DPP6: variants seen among roughly 807,000 people sequenced by gnomAD.
DPP6 encodes dipeptidyl peptidase like 6.
In DPP6, 69 loss-of-function variants were observed where a neutral mutation model predicts 122.6. That is an observed-to-expected ratio of 0.56 (90% CI 0.46 to 0.69). DPP6 has a LOEUF of 0.69. DPP6 is among the 30% of genes least tolerant of loss of function. The pLI, the probability that DPP6 is intolerant of heterozygous loss-of-function variation, is 0.00. For missense variants in DPP6, 928 were observed against 1,116.9 expected (o/e 0.83, Z 2.41); for synonymous variants, 418 against 433.1 (o/e 0.97, Z 0.43).
At position 154,208,891 on chromosome 7, in the gene DPP6, A is replaced by G. The variant is rs564864294; in HGVS notation, c.243+155828A>G. Among the ~76,000 whole-genome samples, 228 of 152,318 alleles carry G rather than the reference A, an allele frequency of 1.5e-3. 1 individual carries two copies. Among genetic ancestry groups the G allele is most frequent in the Middle Eastern group, 3.4e-3 (1 of 294 alleles). ...AACATATTAAATATGTAGGCTTTAA[A>G]GATTCTTTCCTTGCCTAAATAATTT... On this transcript the variant is annotated intron_variant, in intron 1 of 25. Transcript: ENST00000377770.
intron 16 of DPP6, among the ~76,000 whole-genome samples, chr7:154,817,539 A>G (rs1362972126): frequency 6.6e-6 from 1 of 152,176 alleles, no homozygotes; most frequent in East Asian, 1.9e-4. Flanking sequence ...ATAATGAAAC[A>G]TGAGTGAGTG....
rs1833650410 is a variant in DPP6, at chr7:154,607,882, A to G, written c.628-29939A>G. Among the ~76,000 whole-genome samples the G allele has an allele frequency of 3.3e-5, 4 of 120,716 alleles. 1 individual carries two copies. The Admixed American group carries it at 3.7e-4, about 11-fold the overall frequency. The allele number at this position is 120,716 out of a possible 152,430, so 79.2% of individuals were successfully genotyped here. ...CAAAATCATACATGTATTTTTAACT[A>G]CACGGGAAGTTGGCATCTCTAATCT... On this transcript the variant is annotated intron_variant, in intron 5 of 25. Coordinates refer to ENST00000377770, the MANE Select transcript of DPP6 (RefSeq NM_130797.4).
chr7:154,055,725 T>C (rs1800769604), intron 1 of DPP6: 1 of 152,206 alleles, frequency 6.6e-6, no homozygotes, highest in African/African-American at 2.4e-5. Flanking sequence ...AAACCTTCTC[T>C]TGGCTTAGCG....
At position 153,971,836 on chromosome 7, in the gene DPP6, G is replaced by A. The variant is rs1016016172; in HGVS notation, c.51+84102G>A. On this transcript the variant is annotated intron_variant, in intron 1 of 25. Transcript: ENST00000404039. ...CTGCTCCATAACGTCTAGCTTTACC[G>A]AACTCCTGGAACTCTGGGCTTTGTG... Among the ~76,000 whole-genome samples, 17 of 142,632 alleles carry A rather than the reference G, an allele frequency of 1.2e-4. 1 individual carries two copies. Among genetic ancestry groups the A allele is most frequent in the Non-Finnish European group, 2.0e-4 (13 of 65,158 alleles). The allele number at this position is 142,632 out of a possible 152,430, so 93.6% of individuals were successfully genotyped here.
the DPP6 span, among the ~76,000 whole-genome samples, chr7:153,803,837 G>GTATA: frequency 6.9e-6 from 1 of 145,580 alleles, no homozygotes; most frequent in African/African-American, 2.6e-5. Context: ...ATGTGTATGT[G>GTATA]TACATACACA....
intron 1 of DPP6, among the ~76,000 whole-genome samples, chr7:154,339,480 C>T (rs545930629): frequency 6.6e-6 from 1 of 152,318 alleles, no homozygotes; most frequent in African/African-American, 2.4e-5. Flanking sequence ...GAATAGAAAA[C>T]GTCTACTTCC....
the DPP6 span, among the ~76,000 whole-genome samples, chr7:153,798,591 C>T: frequency 6.6e-6 from 1 of 152,104 alleles, no homozygotes; most frequent in Non-Finnish European, 1.5e-5. Context: ...ATTTTTGGCA[C>T]CAGGGACTGG....
intron 1 of DPP6, among the ~76,000 whole-genome samples, chr7:154,108,227 G>A (rs902108285): frequency 7.9e-5 from 12 of 152,124 alleles, no homozygotes; most frequent in African/African-American, 2.7e-4. Flanking sequence ...GGCAAGAGGT[G>A]AGCAAGTATC....
chr7:153,942,100 C>G (rs1801721878), intron 1 of DPP6, among the ~76,000 whole-genome samples: 1 of 152,168 alleles, frequency 6.6e-6, no homozygotes, highest in African/African-American at 2.4e-5. Flanking sequence ...TTGCTATTCC[C>G]CACCTCTATT....
intron 1 of DPP6, among the ~76,000 whole-genome samples, chr7:153,906,606 A>G (rs1799862353): frequency 6.6e-6 from 1 of 151,978 alleles, no homozygotes; most frequent in African/African-American, 2.4e-5. Context: ...ACATCTTACC[A>G]TGTCTAGTTA....
chr7:153,949,631 C>G (rs1003442573), intron 1 of DPP6, among the ~76,000 whole-genome samples: 3 of 152,188 alleles, frequency 2.0e-5, no homozygotes, highest in South Asian at 4.1e-4. Context: ...CACCTAAACA[C>G]GAAAGCATTT....
intron 1 of DPP6, among the ~76,000 whole-genome samples, chr7:154,250,134 C>G (rs1371918944): frequency 6.6e-6 from 1 of 152,148 alleles, no homozygotes; most frequent in Non-Finnish European, 1.5e-5. Flanking sequence ...TCACGACCCT[C>G]TCAAGCGGAC....
At chr7:154,437,685 C>T (rs1205608339) in intron 1 of DPP6, among the ~76,000 whole-genome samples, 1 of 152,144 alleles carries the variant, frequency 6.6e-6, no homozygotes, top group Non-Finnish European at 1.5e-5. Flanking sequence ...CCTGTAATTC[C>T]AGCACTTTGA....
At chr7:154,202,036 C>G (rs1799201731) in intron 1 of DPP6, among the ~76,000 whole-genome samples, 1 of 152,108 alleles carries the variant, frequency 6.6e-6, no homozygotes, top group Non-Finnish European at 1.5e-5. Context: ...GTTAGTAGTA[C>G]CTAAAAGTGG....
rs564047783 is a variant in DPP6 at position 154,894,225 on chromosome 7, G to A, written c.*1745G>A. 6.6e-6 allele frequency: 1 copy of A among 152,382 alleles called. No individual in the cohort carries two copies. Among genetic ancestry groups the A allele is most frequent in the African/African-American group, 2.4e-5 (1 of 41,562 alleles). The allele number at this position is 152,382 out of a possible 1,614,324, so 9.4% of individuals were successfully genotyped here. On this transcript the variant is annotated 3_prime_UTR_variant, in exon 26 of 26. Coordinates refer to ENST00000377770, the MANE Select transcript of DPP6 (RefSeq NM_130797.4). ...CTCTGGCCACGACATCTGGTCGGAG[G>A]GAAGTGGGGATGTGGCATGGTAGCG...
chr7:154,757,511 C>A (rs947940181), intron 8 of DPP6, among the ~76,000 whole-genome samples: 2 of 152,220 alleles, frequency 1.3e-5, no homozygotes, highest in African/African-American at 4.8e-5. Flanking sequence ...GATTTTTACA[C>A]AAGTCATTTT....
At position 154,309,831 on chromosome 7, in the gene DPP6, G is replaced by C. The variant is rs949338672; in HGVS notation, c.244-136383G>C. 2.0e-5 allele frequency among the ~76,000 whole-genome samples: 3 copies of C among 152,222 alleles called. No individual in the cohort carries two copies. In the South Asian group the frequency reaches 6.2e-4, roughly 32 times the overall value. ...CCTTTTGCAGTTCAAAAAGGGCATGGGGTGGGGTTGGTGGCCCTTTCACAG... is the reference window on the plus strand; with the variant it reads ...CCTTTTGCAGTTCAAAAAGGGCATGCGGTGGGGTTGGTGGCCCTTTCACAG... On this transcript the variant is annotated intron_variant, in intron 1 of 25. Coordinates refer to ENST00000377770, the MANE Select transcript of DPP6 (RefSeq NM_130797.4).
intron 7 of DPP6, 148 bp downstream of exon 7, chr7:154,669,589 C>A: frequency 7.7e-7 from 1 of 1,293,748 alleles, no homozygotes; most frequent in South Asian, 1.6e-5. Flanking sequence ...TGGAGAGGTA[C>A]ACCAGGGTGT....
At chr7:153,935,262 C>A (rs2129014752) in intron 1 of DPP6, among the ~76,000 whole-genome samples, 2 of 151,764 alleles carry the variant, frequency 1.3e-5, no homozygotes, top group South Asian at 4.2e-4. Flanking sequence ...GGGGACGTGC[C>A]CGGTAGGAGG....
Sources: gnomAD v4.1 joint callset for allele counts (sites outside exome capture counted in the v4.1 genomes callset) on GRCh38, gnomAD v4.1.1 for gene constraint, MANE v1.5 for transcripts, NCBI Gene and HGNC (gene_info 2026-07-23, HGNC 2026-07-21) for gene names.